Variants in EIF3A observed in about 807,000 individuals in gnomAD.
The protein encoded by EIF3A is eukaryotic translation initiation factor 3 subunit A.
A neutral mutation model predicts 186.6 loss-of-function variants in EIF3A; 21 were observed. That is an observed-to-expected ratio of 0.11 (90% CI 0.08 to 0.16). EIF3A has a LOEUF of 0.16. EIF3A is among the 10% of genes least tolerant of loss of function. EIF3A has a pLI of 1.00. For missense variants in EIF3A, 1,306 were observed against 1,796.3 expected (o/e 0.73, Z 4.93); for synonymous variants, 563 against 584.3 (o/e 0.96, Z 0.52).
At position 119,061,328 on chromosome 10, in the gene EIF3A, CCT is replaced by C; in HGVS notation, c.1123-2_1123-1del. ...ACATATTGTAGTACATTAAATCTGACCTACAGTAAGCAAAACAAAAGATGTAA... is the reference window on the plus strand; with the variant it reads ...ACATATTGTAGTACATTAAATCTGACACAGTAAGCAAAACAAAAGATGTAA... On this transcript the variant is annotated splice_acceptor_variant, in intron 7 of 21. Transcript: ENST00000369144. LOFTEE classifies it high-confidence loss of function. 1 of 1,453,948 alleles carries C rather than the reference CCT, an allele frequency of 6.9e-7. No individual in the cohort carries two copies. The highest frequency in any genetic ancestry group is 9.4e-7 in the Non-Finnish European group (1 of 1,060,666). The allele number at this position is 1,453,948 out of a possible 1,614,324, so 90.1% of individuals were successfully genotyped here.
At position 119,051,422 on chromosome 10, in the gene EIF3A, T is replaced by C. The variant is rs553619002; in HGVS notation, c.2197-101A>G. 5.2e-6 allele frequency: 6 copies of C among 1,161,884 alleles called. No homozygotes were observed. The South Asian group carries it at 8.5e-5, about 16-fold the overall frequency. 72.0% of individuals were successfully genotyped at this position (1,161,884 alleles called of 1,614,324 possible). ...CTTGAAAAATTAGAAGCTGCTCCAC[T>C]GCCCCTTCTGTCATGCCATAAAAAT... On this transcript the variant is annotated intron_variant, in intron 14 of 21. Transcript: ENST00000369144.
At chr10:119,065,693 C>T (rs941750579) in intron 6 of EIF3A, 123 bp from the exon 7 acceptor site, 1 of 653,064 alleles carries the variant, frequency 1.5e-6, no homozygotes, top group African/African-American at 1.8e-5. Context: ...CACCATGGTG[C>T]ACTATACTCA....
rs1184862848 is a variant in EIF3A at position 119,033,884 on chromosome 10, A to C, written c.*2155T>G. The C allele has an allele frequency of 1.3e-5, 2 of 157,142 alleles. No individual in the cohort carries two copies. The highest frequency in any genetic ancestry group is 7.1e-5 in the Admixed American group (1 of 14,140). The allele number at this position is 157,142 out of a possible 1,614,324, so 9.7% of individuals were successfully genotyped here. The stretch of plus-strand genomic sequence containing the variant: ...CAGTGTCTTTGGTTAAAAAAAAAAA[A>C]AAACACAGGCAGTTCTTTACATAAA... On this transcript the variant is annotated 3_prime_UTR_variant, in exon 22 of 22. Coordinates refer to ENST00000369144, the MANE Select transcript of EIF3A (RefSeq NM_003750.4).
At position 119,069,815 on chromosome 10, in the gene EIF3A, C is replaced by T. The variant is rs7908925; in HGVS notation, c.742-161G>A. Among the ~76,000 whole-genome samples, 4,150 of 152,140 alleles carry T rather than the reference C, an allele frequency of 0.027. 182 individuals are homozygous for T. The highest frequency in any genetic ancestry group is 0.095 in the African/African-American group (3,920 of 41,452). ...ATGTATATCTATTTTAGAAAACTGC[C>T]ATAATTACAAAAACACTAACTCCTT... On this transcript the variant is annotated intron_variant, in intron 5 of 21. Coordinates refer to ENST00000369144, the MANE Select transcript of EIF3A (RefSeq NM_003750.4).
intron 20 of EIF3A, among the ~76,000 whole-genome samples, chr10:119,037,796 TA>T (rs1035835836): frequency 4.0e-5 from 6 of 151,426 alleles, no homozygotes; most frequent in African/African-American, 1.5e-4. Flanking sequence ...ACCACAGGGG[TA>T]AAAGCAACGG....
chr10:119,051,110 A>T (rs1848349946), intron 15 of EIF3A, 89 bp downstream of exon 15: 2 of 1,161,594 alleles, frequency 1.7e-6, no homozygotes, highest in East Asian at 5.0e-5. Flanking sequence ...GTAACTCAAT[A>T]AAGAATATAC....
At chr10:119,071,194 A>G in intron 4 of EIF3A, 109 bp from the exon 5 acceptor site, 1 of 771,324 alleles carries the variant, frequency 1.3e-6, no homozygotes, top group South Asian at 1.7e-5. Flanking sequence ...GGATTCACCA[A>G]ACTCATCATT....
At chr10:119,048,172 CTGAAATCCA>C (rs1848306923) in intron 17 of EIF3A, among the ~76,000 whole-genome samples, 8 of 135,818 alleles carry the variant, frequency 5.9e-5, no homozygotes, top group Admixed American at 5.6e-4. Flanking sequence ...AATGAAAGGT[CTGAAATCCA>C]ACAGCAGGCA....
intron 17 of EIF3A, 37 bp downstream of exon 17, chr10:119,049,764 A>G (rs764826862): frequency 1.9e-6 from 3 of 1,574,268 alleles, no homozygotes; most frequent in South Asian, 1.2e-5. Flanking sequence ...AAAAAGTCAC[A>G]TTAAAACAAA....
intron 11 of EIF3A, 39 bp downstream of exon 11, chr10:119,059,173 C>G: frequency 6.3e-7 from 1 of 1,577,238 alleles, no homozygotes; most frequent in East Asian, 2.2e-5. Flanking sequence ...AAGAGTCCCT[C>G]AAAACTTCTG....
At chr10:119,064,699 AG>A (rs1476989626) in intron 7 of EIF3A, among the ~76,000 whole-genome samples, 8 of 151,960 alleles carry the variant, frequency 5.3e-5, no homozygotes, top group African/African-American at 1.9e-4. Flanking sequence ...ACCCAGTGTC[AG>A]GTACTTCTTT....
chr10:119,068,529 A>G (rs1844015980), intron 6 of EIF3A, among the ~76,000 whole-genome samples: 1 of 151,934 alleles, frequency 6.6e-6, no homozygotes, highest in African/African-American at 2.4e-5. Context: ...ACAAAAAATT[A>G]GCCAGGCATG....
chr10:119,072,024 C>CAAAAAAAAA (rs56100757), intron 4 of EIF3A, among the ~76,000 whole-genome samples: 1 of 59,472 alleles, frequency 1.7e-5, no homozygotes, highest in African/African-American at 6.0e-5. Flanking sequence ...GACTCTGTCT[C>CAAAAAAAAA]AAAAAAAAAA....
chr10:119,052,368 T>TGTGTGTGTG (rs1848367766), intron 14 of EIF3A, among the ~76,000 whole-genome samples: 9 of 122,972 alleles, frequency 7.3e-5, no homozygotes, highest in African/African-American at 2.7e-4. Context: ...TTTTTTGGTT[T>TGTGTGTGTG]TGTGTGTGTG....
chr10:119,064,023 G>A (rs1843931127), intron 7 of EIF3A, among the ~76,000 whole-genome samples: 1 of 152,146 alleles, frequency 6.6e-6, no homozygotes, highest in African/African-American at 2.4e-5. Context: ...GGGTTACAGT[G>A]AACTGAAATC....
chr10:119,066,689 T>C (rs559434104), intron 6 of EIF3A, among the ~76,000 whole-genome samples: 57 of 152,160 alleles, frequency 3.7e-4, no homozygotes, highest in African/African-American at 1.3e-3. Flanking sequence ...ATTCAGAGCA[T>C]GGCAGGACCC....
chr10:119,077,934 A>C (rs1448907977), intron 1 of EIF3A, among the ~76,000 whole-genome samples: 1 of 152,196 alleles, frequency 6.6e-6, no homozygotes, highest in Non-Finnish European at 1.5e-5. Flanking sequence ...CTATTTCAAT[A>C]CTTAAATATT....
At chr10:119,059,749 A>T in intron 9 of EIF3A, 31 bp from the exon 10 acceptor site, 7 of 1,402,122 alleles carry the variant, frequency 5.0e-6, no homozygotes, top group Non-Finnish European at 6.1e-6. Context: ...TAATAACACT[A>T]GCCACTGTTT....
chr10:119,050,633 C>G lies in EIF3A; in HGVS notation c.2361G>C (p.Arg787Ser). The G allele has an allele frequency of 3.7e-6, 6 of 1,614,092 alleles. No homozygotes were observed. Among genetic ancestry groups the G allele is most frequent in the Non-Finnish European group, 5.1e-6 (6 of 1,180,024 alleles). Residue 787 changes from arginine to serine, a missense_variant, in exon 16 of 22, where the codon AGG becomes AGC. Arg to Ser is a moderately radical substitution (Grantham distance 110). This residue lies in a region of EIF3A where 410 missense variants were observed against 473.5 expected (regional missense o/e 0.87). Transcript: ENST00000369144. ...KQFEERLAEE[R>S]HNRLEERKRQ... ...TTTTCCGTTCTTCCAATCGATTATG[C>G]CTTTCTTCTGCTAATCGCTCTTCAA...
Sources: gnomAD v4.1 joint callset for allele counts (sites outside exome capture counted in the v4.1 genomes callset) on GRCh38, gnomAD v4.1.1 for gene constraint, gnomAD v4.1.1 regional missense constraint, MANE v1.5 for transcripts, NCBI Gene and HGNC (gene_info 2026-07-23, HGNC 2026-07-21) for gene names.